Variants in CTNNA2 observed in about 807,000 individuals in gnomAD.
The protein encoded by CTNNA2 is catenin alpha 2.
In CTNNA2, 42 loss-of-function variants were observed where a neutral mutation model predicts 101.0. The ratio of observed to expected loss-of-function variants is 0.42; its 90% confidence interval spans 0.32 to 0.54. CTNNA2 has a LOEUF of 0.54. Ranked by LOEUF, CTNNA2 falls within the 20% of genes least tolerant of loss-of-function variation. The probability of loss-of-function intolerance (pLI) is 0.14; values close to 1 mark genes in which losing one functional copy is unlikely to be tolerated. For missense variants in CTNNA2, 871 were observed against 1,223.1 expected, an observed-to-expected ratio of 0.71 and a Z score of 4.29; for synonymous variants, 450 against 456.4, an observed-to-expected ratio of 0.99 and a Z score of 0.18.
At chr2:79,846,894 C>T (rs1680269949) in intron 3 of CTNNA2, among the ~76,000 whole-genome samples, 1 of 152,206 alleles carries the variant, frequency 6.6e-6, no homozygotes, top group Non-Finnish European at 1.5e-5. Flanking sequence ...GAAACCAGAT[C>T]TATTTCTTCC....
At chr2:79,642,459 T>C (rs1680512263) in intron 1 of CTNNA2, among the ~76,000 whole-genome samples, 1 of 152,246 alleles carries the variant, frequency 6.6e-6, no homozygotes, top group African/African-American at 2.4e-5. Context: ...CTCAGTTCAC[T>C]GAGCCAGGGC....
intron 8 of CTNNA2, among the ~76,000 whole-genome samples, chr2:80,407,651 C>A (rs1679187626): frequency 6.6e-6 from 1 of 152,208 alleles, no homozygotes; most frequent in Non-Finnish European, 1.5e-5. Flanking sequence ...ATGGTGTAAG[C>A]ACCTGAATTC....
chr2:80,628,553 T>TCCTTACACCTTACA (rs1330413248), intron 18 of CTNNA2, among the ~76,000 whole-genome samples: 1 of 151,992 alleles, frequency 6.6e-6, no homozygotes, highest in Non-Finnish European at 1.5e-5. Flanking sequence ...TTGGATCCCT[T>TCCTTACACCTTACA]CCTTACACCT....
intron 1 of CTNNA2, among the ~76,000 whole-genome samples, chr2:79,597,268 C>T (rs28695555): frequency 6.6e-6 from 1 of 151,916 alleles, no homozygotes; most frequent in Non-Finnish European, 1.5e-5. Context: ...GTCAGGAGAT[C>T]GAGACCATCC....
intron 7 of CTNNA2, among the ~76,000 whole-genome samples, chr2:79,985,784 A>C (rs898416170): frequency 3.9e-5 from 6 of 152,158 alleles, no homozygotes; most frequent in Non-Finnish European, 8.8e-5. Context: ...AGCAGCCAGC[A>C]TCCAACCTCC....
At chr2:80,601,421 C>CTTTTTTTTTTTTTTTTT (rs56921519) in intron 15 of CTNNA2, among the ~76,000 whole-genome samples, 34 of 84,338 alleles carry the variant, frequency 4.0e-4, no homozygotes, top group African/African-American at 1.4e-3. Context: ...TTCTTTCTTT[C>CTTTTTTTTTTTTTTTTT]TTTTTTTTTT....
chr2:79,418,692 G>T (rs1268175346), intron 4 of CTNNA2, among the ~76,000 whole-genome samples: 2 of 152,028 alleles, frequency 1.3e-5, no homozygotes, highest in African/African-American at 2.4e-5. Context: ...TCTGCATGTT[G>T]TGAAGATTAA....
chr2:80,125,139 G>A (rs1444351958), intron 7 of CTNNA2, among the ~76,000 whole-genome samples: 1 of 152,030 alleles, frequency 6.6e-6, no homozygotes, highest in Non-Finnish European at 1.5e-5. Context: ...GCAAATCTGG[G>A]GCATCAAAAT....
chr2:79,869,538 T>C (rs901883192), intron 4 of CTNNA2, among the ~76,000 whole-genome samples: 3 of 152,236 alleles, frequency 2.0e-5, no homozygotes, highest in Non-Finnish European at 4.4e-5. Context: ...GGTCGATATC[T>C]TTCCAAATCA....
intron 7 of CTNNA2, among the ~76,000 whole-genome samples, chr2:80,173,920 CTCT>C (rs777719040): frequency 1.1e-4 from 16 of 152,292 alleles, no homozygotes; most frequent in Non-Finnish European, 1.8e-4. Context: ...GAAGAAAAGA[CTCT>C]TCTTCTCTCC....
chr2:79,478,167 C>T (rs1201328332), intron 4 of CTNNA2, among the ~76,000 whole-genome samples: 2 of 152,214 alleles, frequency 1.3e-5, no homozygotes, highest in African/African-American at 4.8e-5. Flanking sequence ...AAATTTCCAA[C>T]CCCTTTGGAG....
intron 4 of CTNNA2, among the ~76,000 whole-genome samples, chr2:79,445,903 G>A (rs1324799354): frequency 6.6e-6 from 1 of 152,120 alleles, no homozygotes; most frequent in African/African-American, 2.4e-5. Context: ...AGCATCCAGA[G>A]AATGCTAGCT....
chr2:79,670,401 G>C (rs1193089657), intron 2 of CTNNA2, among the ~76,000 whole-genome samples: 1 of 152,178 alleles, frequency 6.6e-6, no homozygotes, highest in Non-Finnish European at 1.5e-5. Context: ...AAAGACCTGG[G>C]TCTGCAGTTG....
chr2:79,884,593 T>C (rs1683696608), intron 6 of CTNNA2, among the ~76,000 whole-genome samples: 1 of 152,324 alleles, frequency 6.6e-6, no homozygotes, highest in East Asian at 1.9e-4. Context: ...TATCTGCACT[T>C]GAGGAATAAG....
intron 7 of CTNNA2, among the ~76,000 whole-genome samples, chr2:80,366,574 G>C (rs1169213100): frequency 1.3e-5 from 2 of 152,114 alleles, no homozygotes; most frequent in Non-Finnish European, 2.9e-5. Context: ...TGGTTATTTA[G>C]TGATAGGCTC....
chr2:80,507,375 A>C lies in CTNNA2; in HGVS notation c.1291-37607A>C, dbSNP rs1688362098. ...GGCTACTAGTTATATGAAAAGTGAA[A>C]TGCTCCCCACATAGTTTGGTTTTCT... On this transcript the variant is annotated intron_variant, in intron 9 of 18. Transcript: ENST00000402739. Among the ~76,000 whole-genome samples, 3 of 152,112 alleles carry C rather than the reference A, an allele frequency of 2.0e-5. No individual in the cohort carries two copies. In the South Asian group the frequency reaches 6.2e-4, roughly 32 times the overall value.
intron 4 of CTNNA2, among the ~76,000 whole-genome samples, chr2:79,425,899 G>T (rs1378569086): frequency 1.3e-5 from 2 of 152,028 alleles, no homozygotes; most frequent in Non-Finnish European, 2.9e-5. Flanking sequence ...TAATCAAAAG[G>T]GTAGGTTTCT....
intron 7 of CTNNA2, among the ~76,000 whole-genome samples, chr2:80,074,956 T>C (rs537746777): frequency 1.3e-5 from 2 of 152,314 alleles, no homozygotes; most frequent in South Asian, 4.1e-4. Flanking sequence ...AATTTGTCAA[T>C]TAGGGAAGTC....
At chr2:80,132,296 G>A (rs1702458338) in intron 7 of CTNNA2, among the ~76,000 whole-genome samples, 1 of 152,078 alleles carries the variant, frequency 6.6e-6, no homozygotes, top group Admixed American at 6.6e-5. Flanking sequence ...AGGTGGGAGA[G>A]AGGGCTGTCT....
Sources: allele counts gnomAD v4.1 joint callset (sites outside exome capture counted in the v4.1 genomes callset), GRCh38; gene constraint gnomAD v4.1.1; transcripts MANE v1.5; gene names NCBI Gene and HGNC (gene_info 2026-07-23, HGNC 2026-07-21).